Variants in DNMT3B observed in about 807,000 individuals in gnomAD.
DNMT3B encodes the protein DNA (cytosine-5)-methyltransferase 3B.
In DNMT3B, 37 loss-of-function variants were observed where a neutral mutation model predicts 120.2. That is an observed-to-expected ratio of 0.31 (90% CI 0.24 to 0.40). The LOEUF is 0.40. Among genes scored for constraint, DNMT3B ranks in the 10% least tolerant of loss-of-function variants. DNMT3B has a pLI of 1.00. For synonymous variants in DNMT3B, 412 were observed against 442.8 expected (o/e 0.93, Z 0.87); for missense variants, 878 against 1,137.3 (o/e 0.77, Z 3.28).
At chr20:32,770,791 T>C (rs1035306724) in intron 1 of DNMT3B, among the ~76,000 whole-genome samples, 10 of 152,078 alleles carry the variant, frequency 6.6e-5, no homozygotes, top group African/African-American at 2.4e-4. Context: ...TTTGTATTTT[T>C]AGTGGAAACG....
At chr20:32,767,435 T>A (rs190113555) in intron 1 of DNMT3B, among the ~76,000 whole-genome samples, 32 of 151,764 alleles carry the variant, frequency 2.1e-4, no homozygotes, top group East Asian at 7.8e-4. Context: ...GTTTTTTTTT[T>A]AATTATTTCT....
chr20:32,778,484 C>A (rs969021360), intron 1 of DNMT3B, among the ~76,000 whole-genome samples: 1 of 152,246 alleles, frequency 6.6e-6, no homozygotes, highest in African/African-American at 2.4e-5. Flanking sequence ...GTACTGTAGC[C>A]TGCGTGGCTC....
intron 20 of DNMT3B, among the ~76,000 whole-genome samples, chr20:32,803,338 G>A (rs904963608): frequency 6.6e-6 from 1 of 152,188 alleles, no homozygotes; most frequent in Non-Finnish European, 1.5e-5. Context: ...GTAGAAGGAG[G>A]CATGGAAACA....
intron 1 of DNMT3B, chr20:32,780,060 G>GC: frequency 6.2e-7 from 1 of 1,602,366 alleles, no homozygotes; most frequent in Non-Finnish European, 8.5e-7. Flanking sequence ...CCCAGCCCTG[G>GC]CCTCCCCACT....
At chr20:32,778,885 G>A (rs903564370) in intron 1 of DNMT3B, among the ~76,000 whole-genome samples, 3 of 152,156 alleles carry the variant, frequency 2.0e-5, no homozygotes, top group African/African-American at 4.8e-5. Flanking sequence ...ACAGGGAGCC[G>A]TGATCACGCC....
intron 7 of DNMT3B, among the ~76,000 whole-genome samples, chr20:32,790,295 A>T (rs926857076): frequency 6.6e-6 from 1 of 152,220 alleles, no homozygotes; most frequent in Non-Finnish European, 1.5e-5. Flanking sequence ...GCAGTAACTC[A>T]AGTGAAGGAA....
intron 6 of DNMT3B, among the ~76,000 whole-genome samples, chr20:32,788,281 G>A (rs1979566956): frequency 6.6e-6 from 1 of 152,158 alleles, no homozygotes; most frequent in African/African-American, 2.4e-5. Context: ...TTGTAGACTT[G>A]CTTTTTTCTT....
At chr20:32,767,814 G>A (rs1987477004) in intron 1 of DNMT3B, among the ~76,000 whole-genome samples, 1 of 152,214 alleles carries the variant, frequency 6.6e-6, no homozygotes, top group East Asian at 1.9e-4. Context: ...TGAGGGAGGG[G>A]ACTTGGGAGT....
At chr20:32,801,127 G>A in intron 18 of DNMT3B, 151 bp from the exon 19 acceptor site, 2 of 1,271,374 alleles carry the variant, frequency 1.6e-6, no homozygotes, top group South Asian at 1.2e-5. Flanking sequence ...GCTGCTGCCT[G>A]TGTCCCTGCT....
At chr20:32,780,094 G>A (rs1412977309) in intron 1 of DNMT3B, 1 of 1,612,704 alleles carries the variant, frequency 6.2e-7, no homozygotes, top group South Asian at 1.1e-5. Context: ...TGGCGTCTGA[G>A]CCTTCGGGAC....
chr20:32,763,341 G>C (rs891534082), intron 1 of DNMT3B, among the ~76,000 whole-genome samples: 3 of 152,196 alleles, frequency 2.0e-5, no homozygotes, highest in Non-Finnish European at 4.4e-5. Context: ...ACCTCCCGGG[G>C]TGCTCCTGAG....
intron 7 of DNMT3B, 67 bp downstream of exon 7, chr20:32,789,079 A>T: frequency 6.3e-7 from 1 of 1,599,550 alleles, no homozygotes; most frequent in Non-Finnish European, 8.5e-7. Context: ...CCCTTTGAAG[A>T]CAAAGGCCTG....
chr20:32,802,713 C>T, intron 20 of DNMT3B, among the ~76,000 whole-genome samples: 1 of 152,156 alleles, frequency 6.6e-6, no homozygotes, highest in Non-Finnish European at 1.5e-5. Context: ...CTAAAAGTCC[C>T]ACGTGGCTGG....
At chr20:32,785,696 A>G (rs1979185170) in intron 4 of DNMT3B, among the ~76,000 whole-genome samples, 1 of 152,202 alleles carries the variant, frequency 6.6e-6, no homozygotes, top group Admixed American at 6.5e-5. Context: ...TCTTCTATGC[A>G]TAATTTGGAC....
rs1981172163 is a variant in DNMT3B, at chr20:32,800,312, G to A, written c.1905+14G>A. 2.5e-6 allele frequency: 4 copies of A among 1,613,980 alleles called. No homozygotes were observed. The highest frequency in any genetic ancestry group is 1.7e-5 in the Admixed American group (1 of 60,030). ...ACAAAGAAAAATGTGAGGGCAGTCT[G>A]TACCTTGCGGGCCTCATCTCTTCCT... is the stretch of plus-strand genomic sequence containing the variant. On this transcript the variant is annotated intron_variant, in intron 17 of 22. Coordinates refer to ENST00000328111, the MANE Select transcript of DNMT3B (RefSeq NM_006892.4).
chr20:32,783,091 A>G (rs571196606), intron 3 of DNMT3B, among the ~76,000 whole-genome samples: 1 of 151,742 alleles, frequency 6.6e-6, no homozygotes, highest in African/African-American at 2.4e-5. Context: ...TACCCAGCCA[A>G]TTTTTTTGTA....
chr20:32,807,683 A>C (rs1211518118), intron 22 of DNMT3B, 79 bp from the exon 23 acceptor site: 3 of 1,603,038 alleles, frequency 1.9e-6, no homozygotes, highest in African/African-American at 2.7e-5. Flanking sequence ...GGGCAGAAAG[A>C]GTGGGACCTG....
At chr20:32,782,352 A>C (rs537809465) in intron 3 of DNMT3B, among the ~76,000 whole-genome samples, 2 of 152,368 alleles carry the variant, frequency 1.3e-5, no homozygotes, top group Non-Finnish European at 2.9e-5. Flanking sequence ...ATTCAAGAAT[A>C]GGTTTCTACT....
At chr20:32,794,789 A>G (rs1288146371) in intron 10 of DNMT3B, among the ~76,000 whole-genome samples, 1 of 152,242 alleles carries the variant, frequency 6.6e-6, no homozygotes, top group Non-Finnish European at 1.5e-5. Flanking sequence ...CACTTATTTT[A>G]TATATTTTAC....
Sources: allele counts gnomAD v4.1 joint callset (sites outside exome capture counted in the v4.1 genomes callset), GRCh38; gene constraint gnomAD v4.1.1; transcripts MANE v1.5; gene names NCBI Gene and HGNC (gene_info 2026-07-23, HGNC 2026-07-21).